ZNF577: variants seen among roughly 807,000 people sequenced by gnomAD.
ZNF577 encodes the protein zinc finger protein 577.
A neutral mutation model predicts 13.9 loss-of-function variants in ZNF577; 14 were observed. The ratio of observed to expected loss-of-function variants is 1.00; its 90% CI spans 0.66 to 1.57. The LOEUF (loss-of-function observed/expected upper bound fraction) is 1.57, where lower values mean the gene tolerates loss of function less well. Ranked by LOEUF, ZNF577 falls within the 40% of genes most tolerant of loss-of-function variation. The pLI is 0.00. For missense variants in ZNF577, 555 were observed against 579.2 expected (o/e 0.96, Z 0.43); for synonymous variants, 203 against 202.9 (o/e 1.00, Z 0.00).
At chr19:51,861,287 GTT>G (rs557987704) in intron 5 of ZNF577, 40 of 146,350 alleles carry the variant, frequency 2.7e-4, no homozygotes, top group South Asian at 6.2e-4. Flanking sequence ...CTGGCTATTT[GTT>G]TTTTTTTTTT....
In ZNF577 at chr19:51,859,503, A is replaced by G. The variant is rs185354898; in HGVS notation, c.284-14572T>C. On this transcript the variant is annotated intron_variant and NMD_transcript_variant, in intron 5 of 10. Coordinates refer to the ZNF577 transcript ENST00000638827. The stretch of plus-strand genomic sequence containing the variant: ...ATATATAGCCATAAACTCACCTCAT[A>G]TAACCTCACACTTTTTTCTTCCATT... Among the ~76,000 whole-genome samples the G allele has an allele frequency of 1.1e-3, 162 of 152,292 alleles. 2 individuals carry two copies. Among genetic ancestry groups the G allele is most frequent in the Non-Finnish European group, 6.9e-4 (47 of 67,990 alleles).
chr19:51,871,223 T>C lies in ZNF577; in HGVS notation c.*1309A>G, dbSNP rs1206398165. 2 of 152,022 alleles carry C rather than the reference T, an allele frequency of 1.3e-5. No individual in the cohort carries two copies. The highest frequency in any genetic ancestry group is 4.8e-5 in the African/African-American group (2 of 41,378). 9.4% of individuals were successfully genotyped at this position (152,022 alleles called of 1,614,324 possible). On this transcript the variant is annotated 3_prime_UTR_variant, in exon 6 of 6. Coordinates refer to ENST00000638348, the MANE Select transcript of ZNF577 (RefSeq NM_001370449.1). ...GAACTCCTGGACTCAAGCAATCATC[T>C]TGCCTCAGCCTCCCAAGTAGCTGGG...
Position 51,857,363 on chromosome 19 carries a change from AAG to A in ZNF577, c.284-12434_284-12433del, listed in dbSNP as rs1385388523. 3.7e-3 allele frequency among the ~76,000 whole-genome samples: 376 copies of A among 102,326 alleles called. 11 individuals carry two copies. Among genetic ancestry groups the A allele is most frequent in the South Asian group, 0.01 (25 of 2,426 alleles). The allele number at this position is 102,326 out of a possible 152,430, so 67.1% of individuals were successfully genotyped here. A position where few individuals can be genotyped will look rare whatever the true frequency, so the allele number is the denominator to read the frequency against. On this transcript the variant is annotated intron_variant and NMD_transcript_variant, in intron 5 of 10. Transcript: ENST00000638827. ...GAAAGAAAGAGAGAAAGAAAGAAGG[AAG>A]GAAAGAAAGAAAGAAAGAAAGAAAG...
At chr19:51,859,834 C>G (rs2084477812) in intron 5 of ZNF577, among the ~76,000 whole-genome samples, 1 of 152,048 alleles carries the variant, frequency 6.6e-6, no homozygotes, top group African/African-American at 2.4e-5. Context: ...TTCTTTAACC[C>G]TGAAAATTGT....
At chr19:51,811,047 T>C (rs1304396621) in intron 10 of ZNF577, among the ~76,000 whole-genome samples, 1 of 152,154 alleles carries the variant, frequency 6.6e-6, no homozygotes, top group Non-Finnish European at 1.5e-5. Flanking sequence ...TTTATTTTCA[T>C]CTGGAGCTGT....
Position 51,824,580 on chromosome 19 carries a change from A to G in ZNF577, c.*600-12906T>C, listed in dbSNP as rs2084217996. Reference sequence around the variant, plus strand: ...AGAGATGTTGTTAAATGGCAAATACAAAATCATTCTTGTCCTGATTAACCC... The same window carrying G: ...AGAGATGTTGTTAAATGGCAAATACGAAATCATTCTTGTCCTGATTAACCC... On this transcript the variant is annotated intron_variant and NMD_transcript_variant, in intron 9 of 10. Coordinates refer to the ZNF577 transcript ENST00000638827. The surrounding 1 kb of genome is among the most constrained non-coding windows in gnomAD (Gnocchi z 4.7). The G allele has an allele frequency of 6.2e-7, 1 of 1,614,208 alleles. No homozygotes were observed. Among genetic ancestry groups the G allele is most frequent in the African/African-American group, 1.3e-5 (1 of 75,058 alleles).
chr19:51,857,903 G>A (rs1259168999), intron 5 of ZNF577, among the ~76,000 whole-genome samples: 2 of 151,760 alleles, frequency 1.3e-5, no homozygotes, highest in African/African-American at 2.4e-5. Flanking sequence ...CAAACTCCTG[G>A]GCTCAAGGGA....
chr19:51,851,387 G>A (rs535676554), intron 5 of ZNF577, among the ~76,000 whole-genome samples: 15 of 152,038 alleles, frequency 9.9e-5, no homozygotes, highest in African/African-American at 3.4e-4. Flanking sequence ...TAGCTCAGTA[G>A]GAAAAAAAGT....
chr19:51,854,496 ATTTTTTTTTTTTTTT>A (rs780953746), intron 5 of ZNF577, among the ~76,000 whole-genome samples: 1 of 123,218 alleles, frequency 8.1e-6, no homozygotes, highest in Non-Finnish European at 1.6e-5. Context: ...GCCCAGCTAA[ATTTTTTTTTTTTTTT>A]TTTTTAGAGA....
intron 9 of ZNF577, among the ~76,000 whole-genome samples, chr19:51,820,302 T>G (rs74526737): frequency 1.3e-5 from 2 of 152,216 alleles, no homozygotes; most frequent in Admixed American, 6.5e-5. Context: ...ATTGTGACAT[T>G]GAACAAGTCA....
At chr19:51,830,678 A>G (rs557890896) in intron 9 of ZNF577, among the ~76,000 whole-genome samples, 1 of 152,226 alleles carries the variant, frequency 6.6e-6, no homozygotes, top group African/African-American at 2.4e-5. Flanking sequence ...TCTCTTGGTG[A>G]CATCACACTT....
At chr19:51,812,144 A>T (rs1373491686) in intron 9 of ZNF577, among the ~76,000 whole-genome samples, 1 of 152,236 alleles carries the variant, frequency 6.6e-6, no homozygotes, top group Non-Finnish European at 1.5e-5. Context: ...TAAATAATAC[A>T]TTAAAATTAA....
chr19:51,815,491 C>T (rs752689427), intron 9 of ZNF577, among the ~76,000 whole-genome samples: 2 of 151,626 alleles, frequency 1.3e-5, no homozygotes, highest in Non-Finnish European at 2.9e-5. Context: ...ACTGCTTGAA[C>T]CTGGGAGGTG....
Position 51,823,634 on chromosome 19 carries a change from G to C in ZNF577, c.*600-11960C>G, listed in dbSNP as rs192883469. The C allele has an allele frequency of 1.0e-3, 874 of 864,928 alleles. 1 individual carries two copies. The highest frequency in any genetic ancestry group is 1.4e-3 in the Non-Finnish European group (797 of 566,204). 53.6% of individuals were successfully genotyped at this position (864,928 alleles called of 1,614,324 possible). On this transcript the variant is annotated intron_variant and NMD_transcript_variant, in intron 9 of 10. Transcript: ENST00000638827. ...TTATAACCATTCACAAGGCTCACTGGGGAGGGTCTGCTGGTAGGAGGAGGA... is the reference window on the plus strand; with the variant it reads ...TTATAACCATTCACAAGGCTCACTGCGGAGGGTCTGCTGGTAGGAGGAGGA...
Position 51,834,493 on chromosome 19 carries a change from C to T in ZNF577, c.*599+5400G>A, listed in dbSNP as rs551342835. 2.8e-4 allele frequency among the ~76,000 whole-genome samples: 42 copies of T among 152,230 alleles called. 1 individual carries two copies. The highest frequency in any genetic ancestry group is 3.4e-3 in the Middle Eastern group (1 of 294). ...AATTATACTAAGTATATTCCATGAC[C>T]ATAATCTATCAAATTAAAAACCAGC... On this transcript the variant is annotated intron_variant and NMD_transcript_variant, in intron 9 of 10. Coordinates refer to the ZNF577 transcript ENST00000638827.
Position 51,857,361 on chromosome 19 carries a change from GGAAGGAAAGAAAGAAA to G in ZNF577, c.284-12446_284-12431del, listed in dbSNP as rs1421377884. Among the ~76,000 whole-genome samples the G allele has an allele frequency of 1.3e-3, 88 of 69,144 alleles. 1 individual carries two copies. The highest frequency in any genetic ancestry group is 4.7e-3 in the African/African-American group (82 of 17,462). The allele number at this position is 69,144 out of a possible 152,430, so 45.4% of individuals were successfully genotyped here. A position where few individuals can be genotyped will look rare whatever the true frequency, so the allele number is the denominator to read the frequency against. Reference sequence around the variant, plus strand: ...GAGAAAGAAAGAGAGAAAGAAAGAAGGAAGGAAAGAAAGAAAGAAAGAAAGAAAGAAAGAAAGAAAG... The same window carrying G: ...GAGAAAGAAAGAGAGAAAGAAAGAAGGAAAGAAAGAAAGAAAGAAAGAAAG... On this transcript the variant is annotated intron_variant and NMD_transcript_variant, in intron 5 of 10. Transcript: ENST00000638827.
chr19:51,882,194 G>A (rs1006842749), intron 1 of ZNF577, among the ~76,000 whole-genome samples: 3 of 152,140 alleles, frequency 2.0e-5, no homozygotes, highest in African/African-American at 7.2e-5. Flanking sequence ...ATGGGTTGGA[G>A]CTGAGATCTC....
Position 51,867,204 on chromosome 19 carries a change from A to C in ZNF577, c.*5328T>G, listed in dbSNP as rs1391231105. 6.6e-6 allele frequency among the ~76,000 whole-genome samples: 1 copy of C among 152,074 alleles called. No homozygotes were observed. Among genetic ancestry groups the C allele is most frequent in the African/African-American group, 2.4e-5 (1 of 41,402 alleles). On this transcript the variant is annotated 3_prime_UTR_variant, in exon 6 of 6. Coordinates refer to ENST00000638348, the MANE Select transcript of ZNF577 (RefSeq NM_001370449.1). ...TTAAATTACAAATGTATGTATTTCC[A>C]TTTAATAGTTATTTGTCTTAAGCCT...
intron 9 of ZNF577, among the ~76,000 whole-genome samples, chr19:51,815,770 A>C: frequency 6.6e-6 from 1 of 151,716 alleles, no homozygotes; most frequent in Non-Finnish European, 1.5e-5. Flanking sequence ...CTGAGGCTGG[A>C]GAATCCCTTG....
Sources: allele counts gnomAD v4.1 joint callset (sites outside exome capture counted in the v4.1 genomes callset), GRCh38; gene constraint gnomAD v4.1.1; non-coding constraint Gnocchi (gnomAD v3.1); transcripts MANE v1.5; gene names NCBI Gene and HGNC (gene_info 2026-07-23, HGNC 2026-07-21).